TCF12: variants seen among roughly 807,000 people sequenced by gnomAD.
TCF12 encodes DNA-binding protein HTF4.
Under a neutral mutation model 86.0 loss-of-function variants are expected in TCF12, and 45 were observed. That is an observed-to-expected ratio of 0.52 (90% CI 0.41 to 0.67). TCF12 has a LOEUF of 0.67. Ranked by LOEUF, TCF12 falls within the 30% of genes least tolerant of loss-of-function variation. TCF12 has a pLI of 0.00. For missense variants in TCF12, 881 were observed against 859.9 expected, an observed-to-expected ratio of 1.02 and a Z score of -0.31; for synonymous variants, 330 against 299.6, an observed-to-expected ratio of 1.10 and a Z score of -1.05.
At chr15:57,028,435 T>C (rs908174830) in intron 3 of TCF12, among the ~76,000 whole-genome samples, 1 of 152,232 alleles carries the variant, frequency 6.6e-6, no homozygotes, top group African/African-American at 2.4e-5. Context: ...TATCTCATTA[T>C]GGTTTTAGTT....
At chr15:57,120,489 A>G (rs2051152538) in intron 5 of TCF12, among the ~76,000 whole-genome samples, 1 of 152,174 alleles carries the variant, frequency 6.6e-6, no homozygotes, top group African/African-American at 2.4e-5. Flanking sequence ...CCTGCCATTG[A>G]TGAGCTCTCA....
At chr15:57,119,152 G>T (rs377537659) in intron 5 of TCF12, among the ~76,000 whole-genome samples, 18 of 151,968 alleles carry the variant, frequency 1.2e-4, no homozygotes, top group African/African-American at 4.4e-4. Context: ...GAGTGCAGTG[G>T]CACGATCTCA....
chr15:57,074,150 AG>A (rs1314862226), intron 4 of TCF12, among the ~76,000 whole-genome samples: 2 of 152,150 alleles, frequency 1.3e-5, no homozygotes, highest in African/African-American at 4.8e-5. Context: ...TGAATCAGAC[AG>A]GTTTGCTTCT....
chr15:57,277,123 C>T (rs2061434391), intron 19 of TCF12, among the ~76,000 whole-genome samples: 1 of 152,072 alleles, frequency 6.6e-6, no homozygotes, highest in African/African-American at 2.4e-5. Flanking sequence ...ACCTAGAATT[C>T]TATACCTTGC....
In TCF12 at chr15:56,951,644, T is replaced by C. The variant is rs186355754; in HGVS notation, c.148+30546T>C. 4.6e-4 allele frequency among the ~76,000 whole-genome samples: 70 copies of C among 152,294 alleles called. 1 individual carries two copies. The Middle Eastern group carries it at 0.02, about 44-fold the overall frequency. On this transcript the variant is annotated intron_variant, in intron 3 of 20. Coordinates refer to ENST00000333725, the MANE Select transcript of TCF12 (RefSeq NM_207037.2). ...AATTGGTCACAAATGTTTTTTCTTA[T>C]GTCTACTTGTAGAACGTTTTTTTGA...
chr15:57,273,661 T>TGGA (rs1319030557), intron 19 of TCF12, among the ~76,000 whole-genome samples: 1 of 152,024 alleles, frequency 6.6e-6, no homozygotes, highest in African/African-American at 2.4e-5. Context: ...TGCTCTACTT[T>TGGA]GGAGTATCTA....
intron 8 of TCF12, among the ~76,000 whole-genome samples, chr15:57,220,015 C>G (rs556090888): frequency 2.0e-5 from 3 of 152,154 alleles, no homozygotes; most frequent in Admixed American, 1.3e-4. Context: ...CATGAGCCAC[C>G]GCGCCCAGCC....
intron 5 of TCF12, among the ~76,000 whole-genome samples, chr15:57,131,781 T>A (rs747610554): frequency 6.6e-6 from 1 of 152,206 alleles, no homozygotes; most frequent in Admixed American, 6.5e-5. Context: ...TTCTACAGAT[T>A]AATAAATTGA....
intron 3 of TCF12, among the ~76,000 whole-genome samples, chr15:57,014,132 C>T (rs910055547): frequency 6.6e-6 from 1 of 152,142 alleles, no homozygotes; most frequent in Non-Finnish European, 1.5e-5. Flanking sequence ...CCTTTGACTC[C>T]TTGGGTCTAT....
At chr15:57,169,145 C>T (rs2703612) in intron 6 of TCF12, among the ~76,000 whole-genome samples, 1 of 152,194 alleles carries the variant, frequency 6.6e-6, no homozygotes, top group Non-Finnish European at 1.5e-5. Flanking sequence ...GTTTAAGCTT[C>T]TAAGCTGTGC....
At chr15:56,944,059 C>T (rs1406781299) in intron 3 of TCF12, among the ~76,000 whole-genome samples, 1 of 152,050 alleles carries the variant, frequency 6.6e-6, no homozygotes, top group African/African-American at 2.4e-5. Context: ...CACTTGTTTT[C>T]TTTCTGAAGA....
intron 3 of TCF12, among the ~76,000 whole-genome samples, chr15:56,936,073 T>C (rs1171580587): frequency 6.6e-6 from 1 of 152,226 alleles, no homozygotes; most frequent in African/African-American, 2.4e-5. Flanking sequence ...ACCACACTGT[T>C]TTCTGTAGTG....
intron 5 of TCF12, among the ~76,000 whole-genome samples, chr15:57,155,424 G>A (rs569221572): frequency 3.0e-4 from 45 of 152,284 alleles, no homozygotes; most frequent in African/African-American, 1.0e-3. Flanking sequence ...TAGGATGGCA[G>A]TAAATTGCAA....
chr15:57,202,566 GC>G (rs1200134290), intron 8 of TCF12, among the ~76,000 whole-genome samples: 3 of 151,722 alleles, frequency 2.0e-5, no homozygotes, highest in Non-Finnish European at 2.9e-5. Flanking sequence ...CTCCTGAGTA[GC>G]TGGGACTACA....
At chr15:57,204,572 C>G (rs2057717948) in intron 8 of TCF12, among the ~76,000 whole-genome samples, 1 of 152,016 alleles carries the variant, frequency 6.6e-6, no homozygotes, top group South Asian at 2.1e-4. Context: ...AATTTTTAGT[C>G]ATTTGTTATC....
chr15:57,264,171 A>G (rs1170267883), intron 18 of TCF12, among the ~76,000 whole-genome samples: 1 of 39,442 alleles, frequency 2.5e-5, no homozygotes, highest in Non-Finnish European at 5.6e-5. Context: ...ACAAAAATAT[A>G]TTTTCTTTAA....
chr15:57,212,651 T>A (rs1376287180), intron 8 of TCF12, among the ~76,000 whole-genome samples: 1 of 152,148 alleles, frequency 6.6e-6, no homozygotes, highest in African/African-American at 2.4e-5. Context: ...GAGACAAAAA[T>A]CTTTCAAAAT....
intron 5 of TCF12, among the ~76,000 whole-genome samples, chr15:57,135,079 C>A (rs1377935588): frequency 6.6e-6 from 1 of 152,094 alleles, no homozygotes; most frequent in Admixed American, 6.5e-5. Context: ...TGTACCCATG[C>A]CATATGGCTC....
At chr15:57,278,928 G>T (rs1390967835) in intron 19 of TCF12, among the ~76,000 whole-genome samples, 24 of 107,114 alleles carry the variant, frequency 2.2e-4, no homozygotes, top group East Asian at 2.6e-4. Context: ...CTTTCCTCCT[G>T]TCTTCCTTCC....
Sources: gnomAD v4.1 joint callset for allele counts (sites outside exome capture counted in the v4.1 genomes callset) on GRCh38, gnomAD v4.1.1 for gene constraint, MANE v1.5 for transcripts, NCBI Gene and HGNC (gene_info 2026-07-23, HGNC 2026-07-21) for gene names.